Variants in ZNF678 observed in about 807,000 individuals in gnomAD.
ZNF678 encodes the protein hypothetical protein MGC42493.
Under a neutral mutation model 3.0 loss-of-function variants are expected in ZNF678, and 5 were observed. That is an observed-to-expected ratio of 1.69 (90% CI 0.88 to 3.56). The LOEUF (loss-of-function observed/expected upper bound fraction) is 3.56. Among genes scored for constraint, ZNF678 ranks in the 30% most tolerant of loss-of-function variants. ZNF678 has a pLI of 0.00. For missense variants in ZNF678, 593 were observed against 605.0 expected, an observed-to-expected ratio of 0.98 and a Z score of 0.21; for synonymous variants, 218 against 199.6, an observed-to-expected ratio of 1.09 and a Z score of -0.78.
chr1:227,647,686 C>T (rs924521621), intron 2 of ZNF678, among the ~76,000 whole-genome samples: 4 of 152,294 alleles, frequency 2.6e-5, no homozygotes, highest in African/African-American at 9.6e-5. Flanking sequence ...GCATCTTCTG[C>T]CCCATGCTCT....
At chr1:227,651,797 C>T (rs1659098180) in intron 3 of ZNF678, among the ~76,000 whole-genome samples, 1 of 152,150 alleles carries the variant, frequency 6.6e-6, no homozygotes, top group African/African-American at 2.4e-5. Flanking sequence ...TGGTCTCAAA[C>T]ACCTGGCCTG....
chr1:227,595,155 G>C (rs927121392), intron 1 of ZNF678, among the ~76,000 whole-genome samples: 7 of 148,180 alleles, frequency 4.7e-5, no homozygotes, highest in Non-Finnish European at 1.0e-4. Context: ...AAGGTACGCT[G>C]TTTTTTTTTT....
chr1:227,653,459 C>T (rs550895259), intron 3 of ZNF678, among the ~76,000 whole-genome samples: 6 of 152,050 alleles, frequency 3.9e-5, no homozygotes, highest in Admixed American at 3.3e-4. Flanking sequence ...ATAATTTATA[C>T]ATATTTATTT....
rs768445309 is a variant in ZNF678, at chr1:227,654,938, A to T, written c.688A>T (p.Ile230Phe). 8.9e-5 allele frequency: 144 copies of T among 1,612,564 alleles called. 5 individuals are homozygous for T. The East Asian group carries it at 3.2e-3, about 36-fold the overall frequency. The change falls in exon 4 of 4, where the codon ATT becomes TTT. Residue 230 changes from isoleucine to phenylalanine, a missense_variant. Ile to Phe is a conservative substitution (Grantham distance 21). Transcript: ENST00000343776. The stretch of plus-strand genomic sequence containing the variant: ...CTCAAACCTTACACAACATAAGAGA[A>T]TTCATACTGGAGAGAAACCCTACAA... ...QFSNLTQHKR[I>F]HTGEKPYKCK...
At chr1:227,678,346 C>T (rs185437214), downstream of ZNF678, among the ~76,000 whole-genome samples, 107 of 152,236 alleles carry the variant, frequency 7.0e-4, no homozygotes, top group African/African-American at 2.5e-3. Flanking sequence ...AGGATGCATG[C>T]GGAAGTAAGA....
chr1:227,591,367 T>TC (rs1657409177), intron 1 of ZNF678, among the ~76,000 whole-genome samples: 1 of 152,238 alleles, frequency 6.6e-6, no homozygotes, highest in South Asian at 2.1e-4. Flanking sequence ...AGGATTTTTT[T>TC]CATTTTTTTA....
chr1:227,594,721 G>T (rs1166699773), intron 1 of ZNF678, among the ~76,000 whole-genome samples: 1 of 152,116 alleles, frequency 6.6e-6, no homozygotes, highest in African/African-American at 2.4e-5. Context: ...GACTTTTGCA[G>T]ACAATTCTTT....
At chr1:227,570,351 G>C (rs1259186945) in intron 1 of ZNF678, among the ~76,000 whole-genome samples, 1 of 152,184 alleles carries the variant, frequency 6.6e-6, no homozygotes, top group African/African-American at 2.4e-5. Flanking sequence ...GTACATTGTA[G>C]GCTTGCCTTT....
chr1:227,625,506 TGTA>T (rs1658388215), intron 1 of ZNF678, among the ~76,000 whole-genome samples: 1 of 152,160 alleles, frequency 6.6e-6, no homozygotes, highest in African/African-American at 2.4e-5. Context: ...AAGAACTATT[TGTA>T]GTTTTACAGC....
intron 1 of ZNF678, among the ~76,000 whole-genome samples, chr1:227,604,701 T>C (rs965758754): frequency 9.3e-4 from 142 of 152,336 alleles, no homozygotes; most frequent in African/African-American, 3.1e-3. Context: ...CCTGAAGTTT[T>C]GATTAGCATT....
intron 1 of ZNF678, among the ~76,000 whole-genome samples, chr1:227,639,042 G>A (rs1395093725): frequency 1.3e-5 from 2 of 152,244 alleles, no homozygotes; most frequent in Non-Finnish European, 2.9e-5. Flanking sequence ...CAAGGCCAAT[G>A]AGATCCAAGT....
At chr1:227,652,239 A>G (rs1659108925) in intron 3 of ZNF678, among the ~76,000 whole-genome samples, 1 of 152,186 alleles carries the variant, frequency 6.6e-6, no homozygotes, top group Non-Finnish European at 1.5e-5. Context: ...GTTGACATAT[A>G]ATGTACTTTT....
chr1:227,665,214 G>C (rs1387776276), downstream of ZNF678, among the ~76,000 whole-genome samples: 1 of 152,232 alleles, frequency 6.6e-6, no homozygotes, highest in Non-Finnish European at 1.5e-5. Context: ...CCTGGGCCCA[G>C]CAGTGTGGTT....
In ZNF678 at chr1:227,646,524, T is replaced by C; in HGVS notation, c.-163-20T>C. ...CCATGGCACATTTTGTAAATACGTG[T>C]GTATTTTTCCCCCCCCCAGGGACTA... On this transcript the variant is annotated intron_variant, in intron 1 of 3. Transcript: ENST00000343776. The C allele has an allele frequency of 7.7e-7, 1 of 1,299,474 alleles. No homozygotes were observed. The highest frequency in any genetic ancestry group is 1.2e-5 in the South Asian group (1 of 86,174). The allele number at this position is 1,299,474 out of a possible 1,614,324, so 80.5% of individuals were successfully genotyped here.
intron 1 of ZNF678, among the ~76,000 whole-genome samples, chr1:227,639,309 G>A (rs1658759385): frequency 1.3e-5 from 2 of 152,224 alleles, no homozygotes. Flanking sequence ...GGGGGCCCCT[G>A]ATGGCAGAGG....
chr1:227,667,757 T>C (rs1200112056), intron 5 of ZNF678, among the ~76,000 whole-genome samples: 1 of 152,202 alleles, frequency 6.6e-6, no homozygotes, highest in East Asian at 1.9e-4. Context: ...CTGTCAATTA[T>C]TTTGGGAAAT....
intron 2 of ZNF678, among the ~76,000 whole-genome samples, chr1:227,647,583 C>A (rs1204797325): frequency 6.6e-6 from 1 of 152,104 alleles, no homozygotes; most frequent in Admixed American, 6.5e-5. Context: ...AGGTTAGAGG[C>A]CCAAATGTCA....
At chr1:227,679,511 G>A (rs964478918), downstream of ZNF678, among the ~76,000 whole-genome samples, 6 of 134,370 alleles carry the variant, frequency 4.5e-5, no homozygotes. Context: ...CCCCACTCAC[G>A]TACCCCCTGC....
chr1:227,659,646 A>G lies in ZNF678; in HGVS notation c.*3818A>G, dbSNP rs1007186531. On this transcript the variant is annotated 3_prime_UTR_variant, in exon 4 of 4. Transcript: ENST00000343776. ...CATTTTTAAAAATCATAAAAACTGT[A>G]TTTTCTATATAGTTCAGCTAAGTTT... The G allele has an allele frequency of 2.0e-5, 3 of 151,972 alleles. No homozygotes were observed. Among genetic ancestry groups the G allele is most frequent in the Middle Eastern group, 3.1e-3 (1 of 318 alleles). The allele number at this position is 151,972 out of a possible 1,614,324, so 9.4% of individuals were successfully genotyped here.
Sources: gnomAD v4.1 joint callset for allele counts (sites outside exome capture counted in the v4.1 genomes callset) on GRCh38, gnomAD v4.1.1 for gene constraint, MANE v1.5 for transcripts, NCBI Gene and HGNC (gene_info 2026-07-23, HGNC 2026-07-21) for gene names.